SEZ6L: variants seen among roughly 807,000 people sequenced by gnomAD.
SEZ6L encodes the protein seizure 6-like protein.
Under a neutral mutation model 106.2 loss-of-function variants are expected in SEZ6L, and 37 were observed. That is an observed-to-expected ratio of 0.35 (90% confidence interval 0.27 to 0.46). The LOEUF is 0.46. Among genes scored for constraint, SEZ6L ranks in the 20% least tolerant of loss-of-function variants. The pLI, the probability that SEZ6L is intolerant of heterozygous loss-of-function variation, is 1.00. For missense variants in SEZ6L, 1,172 were observed against 1,332.8 expected, an observed-to-expected ratio of 0.88 and a Z score of 1.88; for synonymous variants, 541 against 570.4, an observed-to-expected ratio of 0.95 and a Z score of 0.73.
chr22:26,325,813 G>T (rs1256347789), intron 9 of SEZ6L, among the ~76,000 whole-genome samples: 1 of 152,066 alleles, frequency 6.6e-6, no homozygotes, highest in African/African-American at 2.4e-5. Flanking sequence ...CTTGGCAAGG[G>T]CTTAGTACAT....
chr22:26,351,548 G>GGTTGGTTT (rs1556375177), intron 12 of SEZ6L: 139 of 224,462 alleles, frequency 6.2e-4, no homozygotes, highest in East Asian at 1.8e-3. Context: ...TTTGTTTGTT[G>GGTTGGTTT]GTTGGTTGGT....
intron 1 of SEZ6L, among the ~76,000 whole-genome samples, chr22:26,200,463 G>C (rs766920467): frequency 6.6e-6 from 1 of 152,160 alleles, no homozygotes; most frequent in Non-Finnish European, 1.5e-5. Flanking sequence ...CCTCAAGTTA[G>C]TGGACAGGAC....
intron 1 of SEZ6L, among the ~76,000 whole-genome samples, chr22:26,238,950 T>G (rs1012772720): frequency 1.3e-5 from 2 of 152,186 alleles, no homozygotes; most frequent in African/African-American, 4.8e-5. Flanking sequence ...GGCCTCTACA[T>G]AGTGGCTCAA....
At chr22:26,213,806 A>T (rs577758664) in intron 1 of SEZ6L, among the ~76,000 whole-genome samples, 1 of 152,352 alleles carries the variant, frequency 6.6e-6, no homozygotes, top group South Asian at 2.1e-4. Context: ...CTGTAGTCTC[A>T]CCTACTTGGG....
In SEZ6L at chr22:26,292,022, AGGAAGGAAGGAAGGATGGAT is replaced by A. The variant is rs1192685862; in HGVS notation, c.95-375_95-356del. Among the ~76,000 whole-genome samples the A allele has an allele frequency of 9.2e-3, 1,133 of 122,590 alleles. 40 individuals carry two copies. Among genetic ancestry groups the A allele is most frequent in the African/African-American group, 0.035 (1,077 of 30,692 alleles). 80.4% of individuals were successfully genotyped at this position (122,590 alleles called of 152,430 possible). ...AAGGAAGGAAGGAAGGAAGGAAGGAAGGAAGGAAGGAAGGATGGATGGAAGGAAAGAAGGAAGGAAATGAA... is the reference window on the plus strand; with the variant it reads ...AAGGAAGGAAGGAAGGAAGGAAGGAAGGAAGGAAAGAAGGAAGGAAATGAA... On this transcript the variant is annotated intron_variant, in intron 1 of 16. Transcript: ENST00000248933.
At chr22:26,318,855 T>C (rs527488821) in intron 9 of SEZ6L, among the ~76,000 whole-genome samples, 7 of 152,326 alleles carry the variant, frequency 4.6e-5, no homozygotes, top group African/African-American at 1.7e-4. Context: ...ATTCCATCAG[T>C]TGCTTGGGGG....
chr22:26,261,334 G>A (rs981176393), intron 1 of SEZ6L, among the ~76,000 whole-genome samples: 8 of 152,076 alleles, frequency 5.3e-5, no homozygotes, highest in African/African-American at 1.9e-4. Context: ...AGGGTTATTC[G>A]ATGTATCTTC....
At chr22:26,290,302 C>T (rs556060582) in intron 1 of SEZ6L, among the ~76,000 whole-genome samples, 2 of 152,216 alleles carry the variant, frequency 1.3e-5, no homozygotes, top group Admixed American at 6.5e-5. Flanking sequence ...GAGGCCGAGG[C>T]GGGTGGATCA....
At chr22:26,245,250 A>G (rs915229101) in intron 1 of SEZ6L, among the ~76,000 whole-genome samples, 2 of 152,172 alleles carry the variant, frequency 1.3e-5, no homozygotes, top group East Asian at 3.9e-4. Context: ...CAAATTCCCC[A>G]GGCACCATTC....
At chr22:26,231,776 C>T (rs765092907) in intron 1 of SEZ6L, among the ~76,000 whole-genome samples, 1 of 152,252 alleles carries the variant, frequency 6.6e-6, no homozygotes, top group African/African-American at 2.4e-5. Flanking sequence ...CCTGCCCCCA[C>T]GATGCAGAAG....
chr22:26,208,848 CTCTGTGTGTGTGTGTGTGTGTGTG>C (rs1458417577), intron 1 of SEZ6L, among the ~76,000 whole-genome samples: 10 of 106,904 alleles, frequency 9.4e-5, no homozygotes, highest in African/African-American at 4.2e-4. Context: ...TTGACTCTCT[CTCTGTGTGTGTGTGTGTGTGTGTG>C]TGTGTGTGTG....
At chr22:26,192,198 G>T (rs992599242) in intron 1 of SEZ6L, among the ~76,000 whole-genome samples, 6 of 152,060 alleles carry the variant, frequency 3.9e-5, no homozygotes, top group African/African-American at 1.4e-4. Flanking sequence ...ACCTGTTGAT[G>T]AATCCATTCC....
intron 1 of SEZ6L, among the ~76,000 whole-genome samples, chr22:26,250,307 T>C (rs919877903): frequency 6.6e-6 from 1 of 152,202 alleles, no homozygotes; most frequent in African/African-American, 2.4e-5. Context: ...AGATATTACA[T>C]TTAAGTCTTT....
chr22:26,186,556 C>G, intron 1 of SEZ6L, among the ~76,000 whole-genome samples: 1 of 152,056 alleles, frequency 6.6e-6, no homozygotes, highest in South Asian at 2.1e-4. Flanking sequence ...GGAGATTCTC[C>G]TAAATCCACC....
intron 1 of SEZ6L, among the ~76,000 whole-genome samples, chr22:26,272,243 A>G (rs1350731098): frequency 6.6e-6 from 1 of 152,228 alleles, no homozygotes; most frequent in Admixed American, 6.5e-5. Flanking sequence ...TCTAGGTCCT[A>G]TTTGAGGAAT....
intron 9 of SEZ6L, among the ~76,000 whole-genome samples, chr22:26,314,591 C>A (rs2081945431): frequency 7.0e-6 from 1 of 142,090 alleles, no homozygotes; most frequent in African/African-American, 2.9e-5. Flanking sequence ...GAAATGATTG[C>A]TGAATGAAAA....
At chr22:26,213,795 C>T (rs556351515) in intron 1 of SEZ6L, among the ~76,000 whole-genome samples, 66 of 152,298 alleles carry the variant, frequency 4.3e-4, no homozygotes, top group African/African-American at 1.6e-3. Context: ...GTGCCGTGCA[C>T]CTGTAGTCTC....
intron 1 of SEZ6L, among the ~76,000 whole-genome samples, chr22:26,201,682 T>G (rs1343754900): frequency 1.3e-5 from 2 of 152,202 alleles, no homozygotes; most frequent in East Asian, 3.9e-4. Flanking sequence ...CTACCACTGC[T>G]TGTGACAACT....
intron 1 of SEZ6L, among the ~76,000 whole-genome samples, chr22:26,278,986 G>A (rs9608482): frequency 1.1e-3 from 48 of 43,916 alleles, no homozygotes; most frequent in African/African-American, 4.3e-3. Context: ...GGGAGGGAGG[G>A]AGGAAGGAAG....
Sources: allele counts gnomAD v4.1 joint callset (sites outside exome capture counted in the v4.1 genomes callset), GRCh38; gene constraint gnomAD v4.1.1; transcripts MANE v1.5; gene names NCBI Gene and HGNC (gene_info 2026-07-23, HGNC 2026-07-21).